Variants in TBK1 observed in about 807,000 individuals in gnomAD.
The protein encoded by TBK1 is TANK binding kinase 1.
TBK1 carries 37 observed loss-of-function variants against 99.9 expected under a neutral mutation model. That is an observed-to-expected ratio of 0.37 (90% CI 0.28 to 0.49). The LOEUF (loss-of-function observed/expected upper bound fraction) is 0.49. TBK1 is among the 20% of genes least tolerant of loss of function. The probability of loss-of-function intolerance (pLI) is 0.98; values close to 1 mark genes in which losing one functional copy is unlikely to be tolerated. For synonymous variants in TBK1, 258 were observed against 279.8 expected (o/e 0.92, Z 0.78); for missense variants, 644 against 872.5 (o/e 0.74, Z 3.30).
At chr12:64,472,205 AT>A (rs2040669122) in intron 5 of TBK1, among the ~76,000 whole-genome samples, 1 of 151,656 alleles carries the variant, frequency 6.6e-6, no homozygotes, top group Non-Finnish European at 1.5e-5. Context: ...CTGATTTCTC[AT>A]TAAAATGTGT....
At chr12:64,460,578 A>G (rs934605052) in intron 3 of TBK1, among the ~76,000 whole-genome samples, 14 of 152,082 alleles carry the variant, frequency 9.2e-5, no homozygotes, top group Non-Finnish European at 1.3e-4. Flanking sequence ...GCTCACACCT[A>G]TAATCCCAGC....
rs551175951 is a variant in TBK1, at chr12:64,487,362, CAT to C, written c.1341-1123_1341-1122del. Among the ~76,000 whole-genome samples, 170 of 152,344 alleles carry C rather than the reference CAT, an allele frequency of 1.1e-3. 2 individuals carry two copies. The highest frequency in any genetic ancestry group is 9.6e-3 in the Admixed American group (147 of 15,298). On this transcript the variant is annotated intron_variant, in intron 11 of 20. Transcript: ENST00000331710. The stretch of plus-strand genomic sequence containing the variant: ...TTTGACAGTTTATGTATGCCTACCT[CAT>C]ACCCACCCCGTCTTGCAAAAGTGTG...
chr12:64,458,929 T>C (rs2040518937), intron 2 of TBK1, among the ~76,000 whole-genome samples: 1 of 152,180 alleles, frequency 6.6e-6, no homozygotes, highest in African/African-American at 2.4e-5. Context: ...TCTTTCATCT[T>C]CCTCTAGAAA....
chr12:64,474,538 C>T, intron 6 of TBK1, 148 bp downstream of exon 6: 1 of 768,254 alleles, frequency 1.3e-6, no homozygotes, highest in Non-Finnish European at 2.0e-6. Flanking sequence ...AAAAAGAATG[C>T]AGCCTTATAA....
At chr12:64,496,028 G>T (rs1054073739) in intron 15 of TBK1, 3 of 401,092 alleles carry the variant, frequency 7.5e-6, no homozygotes, top group African/African-American at 6.3e-5. Flanking sequence ...TAACAGAAAG[G>T]AATGAGATTG....
rs1231817315 is a variant in TBK1, at chr12:64,478,417, T to C, written c.702-1595T>C. Among the ~76,000 whole-genome samples the C allele has an allele frequency of 2.6e-5, 4 of 152,188 alleles. 1 individual carries two copies. The highest frequency in any genetic ancestry group is 5.9e-5 in the Non-Finnish European group (4 of 68,034). On this transcript the variant is annotated intron_variant, in intron 6 of 20. Coordinates refer to ENST00000331710, the MANE Select transcript of TBK1 (RefSeq NM_013254.4). ...TGCCCCCCGCCTTGGTCTCCCAAAG[T>C]GCTGGCATTACAGGCATGAGCCACC...
At chr12:64,466,498 T>C (rs1014543383) in intron 4 of TBK1, among the ~76,000 whole-genome samples, 5 of 152,220 alleles carry the variant, frequency 3.3e-5, no homozygotes, top group Middle Eastern at 3.4e-3. Flanking sequence ...GAATTTTTTT[T>C]CCCAAGATAA....
chr12:64,464,480 A>G lies in TBK1; in HGVS notation c.358+17A>G, dbSNP rs373551800. The stretch of plus-strand genomic sequence containing the variant: ...GAGATGTGGGTATGTTTGTTTATTT[A>G]TATGATATCATTTGTATATAAAATT... On this transcript the variant is annotated intron_variant, in intron 4 of 20. Transcript: ENST00000331710. The G allele has an allele frequency of 9.9e-5, 151 of 1,531,156 alleles. No homozygotes were observed. The highest frequency in any genetic ancestry group is 1.3e-4 in the Non-Finnish European group (145 of 1,137,582). 94.8% of individuals were successfully genotyped at this position (1,531,156 alleles called of 1,614,324 possible).
At chr12:64,454,475 C>G (rs960323267) in intron 1 of TBK1, among the ~76,000 whole-genome samples, 11 of 151,860 alleles carry the variant, frequency 7.2e-5, no homozygotes, top group African/African-American at 2.7e-4. Flanking sequence ...TCTCGAACTC[C>G]TGACCTTGTG....
At chr12:64,459,582 T>C (rs2040524455) in intron 2 of TBK1, among the ~76,000 whole-genome samples, 1 of 152,156 alleles carries the variant, frequency 6.6e-6, no homozygotes, top group African/African-American at 2.4e-5. Flanking sequence ...CTAGGTAGAA[T>C]TGCAGAAAGT....
chr12:64,488,712 G>A (rs896380345), intron 12 of TBK1, 124 bp downstream of exon 12: 16 of 711,846 alleles, frequency 2.2e-5, no homozygotes, highest in Middle Eastern at 2.6e-4. Flanking sequence ...AAAGATCAGC[G>A]GCCTGGCACG....
chr12:64,466,086 G>T (rs2040600629), intron 4 of TBK1, among the ~76,000 whole-genome samples: 1 of 152,056 alleles, frequency 6.6e-6, no homozygotes, highest in African/African-American at 2.4e-5. Context: ...ATTTAGGTGA[G>T]GATACAATGA....
At chr12:64,474,113 A>G in intron 5 of TBK1, 117 bp from the exon 6 acceptor site, 1 of 985,830 alleles carries the variant, frequency 1.0e-6, no homozygotes, top group Non-Finnish European at 1.5e-6. Context: ...TCAGATTGGG[A>G]AAGTGAAGTT....
chr12:64,487,884 G>C (rs559389167), intron 11 of TBK1, among the ~76,000 whole-genome samples: 1 of 152,072 alleles, frequency 6.6e-6, no homozygotes, highest in African/African-American at 2.4e-5. Context: ...ATTTCTTACT[G>C]TGTCATCCTT....
At chr12:64,488,341 T>C in intron 11 of TBK1, 146 bp from the exon 12 acceptor site, 2 of 498,186 alleles carry the variant, frequency 4.0e-6, no homozygotes, top group East Asian at 3.7e-5. Flanking sequence ...ATGCTTATTA[T>C]AATAATGTTT....
intron 5 of TBK1, among the ~76,000 whole-genome samples, chr12:64,467,952 T>C (rs2040623467): frequency 6.6e-6 from 1 of 152,148 alleles, no homozygotes; most frequent in African/African-American, 2.4e-5. Context: ...TCCAACACTT[T>C]GGGAGGCTGA....
chr12:64,478,306 A>G (rs1413176285), intron 6 of TBK1, among the ~76,000 whole-genome samples: 8 of 152,152 alleles, frequency 5.3e-5, no homozygotes, highest in Non-Finnish European at 7.3e-5. Flanking sequence ...ACCCACCACC[A>G]TGCCCGGCTA....
intron 20 of TBK1, among the ~76,000 whole-genome samples, chr12:64,499,267 A>G (rs1258224038): frequency 6.7e-6 from 1 of 150,230 alleles, no homozygotes; most frequent in Non-Finnish European, 1.5e-5. Flanking sequence ...CTGGTCTTGA[A>G]CTCCTGACCT....
Position 64,481,958 on chromosome 12 carries a change from T to A in TBK1, c.929T>A (p.Val310Glu). 1 of 1,608,830 alleles carries A rather than the reference T, an allele frequency of 6.2e-7. No homozygotes were observed. Among genetic ancestry groups the A allele is most frequent in the Non-Finnish European group, 8.5e-7 (1 of 1,177,650 alleles). The change falls in exon 8 of 21, where the codon GTA becomes GAA. Residue 310 changes from valine to glutamate, a missense_variant. Val to Glu is a moderately radical substitution (Grantham distance 121, BLOSUM62 -2). This residue lies in a region of TBK1 where 465 missense variants were observed against 588.0 expected (regional missense o/e 0.79). Coordinates refer to ENST00000331710, the MANE Select transcript of TBK1 (RefSeq NM_013254.4). ...ACTAGTGATATACTTCACCGAATGG[T>A]AATTCATGTTTTTTCGCTACAACAA... ...AETSDILHRMVIHVFSLQQMT... is the reference protein window; with the variant it reads ...AETSDILHRMEIHVFSLQQMT...
Sources: gnomAD v4.1 joint callset for allele counts (sites outside exome capture counted in the v4.1 genomes callset) on GRCh38, gnomAD v4.1.1 for gene constraint, gnomAD v4.1.1 regional missense constraint, MANE v1.5 for transcripts, NCBI Gene and HGNC (gene_info 2026-07-23, HGNC 2026-07-21) for gene names.